Variants in ACAA1 observed in about 807,000 individuals in gnomAD.
ACAA1 encodes the protein 3-ketoacyl-CoA thiolase, peroxisomal.
Under a neutral mutation model 48.8 loss-of-function variants are expected in ACAA1, and 44 were observed. The observed-to-expected ratio is 0.90, with a 90% confidence interval of 0.71 to 1.16. The LOEUF (loss-of-function observed/expected upper bound fraction) is 1.16. Ranked by LOEUF, ACAA1 falls within the 50% of genes most tolerant of loss-of-function variation. ACAA1 has a pLI of 0.00. For missense variants in ACAA1, 512 were observed against 562.3 expected (o/e 0.91, Z 0.90); for synonymous variants, 233 against 226.5 (o/e 1.03, Z -0.26).
At chr3:38,130,478 C>G (rs1419283056) in intron 5 of ACAA1, among the ~76,000 whole-genome samples, 1 of 152,180 alleles carries the variant, frequency 6.6e-6, no homozygotes, top group African/African-American at 2.4e-5. Flanking sequence ...AGTCTGGTCC[C>G]AGAGCCCACT....
In ACAA1 at chr3:38,137,046, A is replaced by AGCC. The variant is rs1700923493; in HGVS notation, c.-12_-11insGGC. ...CTGCAGCCTCTGCATTGCGCAGGTC[A>AGCC]ACCCTGCAGACCAGCCACCAGTCCG... On this transcript the variant is annotated 5_prime_UTR_variant, in exon 1 of 12. Transcript: ENST00000333167. The AGCC allele has an allele frequency of 1.3e-6, 2 of 1,551,278 alleles. No individual in the cohort carries two copies. Among genetic ancestry groups the AGCC allele is most frequent in the African/African-American group, 2.8e-5 (2 of 71,634 alleles).
chr3:38,125,603 G>A lies in ACAA1; in HGVS notation c.1161C>T (p.Val387=). The change falls in exon 11 of 12, where the codon GTC becomes GTT. Residue 387 remains valine (V), a synonymous_variant. Transcript: ENST00000333167. The part of the protein sequence containing the change: ...HPLGCTGARQ[V]ITLLNELKRR... The stretch of plus-strand genomic sequence containing the variant: ...GCTTCAGCTCATTGAGCAGCGTGAT[G>A]ACCTGTCGTGCCCCAGTGCAGCCCA... The A allele has an allele frequency of 6.3e-7, 1 of 1,591,134 alleles. No individual in the cohort carries two copies. The highest frequency in any genetic ancestry group is 2.2e-5 in the East Asian group (1 of 44,642).
rs761738586 is a variant in ACAA1, at chr3:38,126,670, G to T, written c.657C>A (p.Phe219Leu). 6.2e-7 allele frequency: 1 copy of T among 1,614,066 alleles called. No homozygotes were observed. The highest frequency in any genetic ancestry group is 8.5e-7 in the Non-Finnish European group (1 of 1,180,010). ...KAARAQSKGC[F>L]QAEIVPVTTT... is the part of the protein sequence containing the mutation. Reference sequence around the variant, plus strand: ...TGGTCACAGGCACAATCTCAGCTTGGAAACAGCCCTTGCTCTGGGCTCTTG... The same window carrying T: ...TGGTCACAGGCACAATCTCAGCTTGTAAACAGCCCTTGCTCTGGGCTCTTG... Residue 219 changes from phenylalanine to leucine, a missense_variant, in exon 8 of 12, where the codon TTC (phenylalanine) becomes TTA (leucine). Phe to Leu is a conservative substitution (Grantham distance 22). Transcript: ENST00000333167. The surrounding 1 kb of genome is among the most constrained non-coding windows in gnomAD (Gnocchi z 4.7).
intron 3 of ACAA1, 47 bp downstream of exon 3, chr3:38,133,905 T>G: frequency 6.2e-7 from 1 of 1,600,956 alleles, no homozygotes; most frequent in Non-Finnish European, 8.6e-7. Flanking sequence ...CTGGGCCCAG[T>G]AAAGTGTCAA....
chr3:38,136,720 T>TC, intron 1 of ACAA1, 35 bp from the exon 2 acceptor site: 1 of 1,567,586 alleles, frequency 6.4e-7, no homozygotes, highest in Non-Finnish European at 8.7e-7. Flanking sequence ...TGACCCCCAC[T>TC]CCCCCATGCC....
chr3:38,126,990 C>G lies in ACAA1; in HGVS notation c.627-290G>C, dbSNP rs1407278341. On this transcript the variant is annotated intron_variant, in intron 7 of 11. Coordinates refer to ENST00000333167, the MANE Select transcript of ACAA1 (RefSeq NM_001607.4). The surrounding 1 kb of genome is among the most constrained non-coding windows in gnomAD (Gnocchi z 4.7). Reference sequence around the variant, plus strand: ...CAAGAGGGATTAAGCCTGCTTGATTCTCTCTGCTAAACTGAGGATGGAACC... The same window carrying G: ...CAAGAGGGATTAAGCCTGCTTGATTGTCTCTGCTAAACTGAGGATGGAACC... 6.6e-6 allele frequency among the ~76,000 whole-genome samples: 1 copy of G among 152,208 alleles called. No individual in the cohort carries two copies. Among genetic ancestry groups the G allele is most frequent in the Non-Finnish European group, 1.5e-5 (1 of 68,042 alleles).
At chr3:38,131,693 G>A in intron 4 of ACAA1, 55 bp from the exon 5 acceptor site, 4 of 1,583,236 alleles carry the variant, frequency 2.5e-6, no homozygotes, top group Non-Finnish European at 3.5e-6. Flanking sequence ...TGTTCTGGAA[G>A]CAGTGGAGCC....
chr3:38,126,812 C>T lies in ACAA1; in HGVS notation c.627-112G>A, dbSNP rs2125765457. On this transcript the variant is annotated intron_variant, in intron 7 of 11. Coordinates refer to ENST00000333167, the MANE Select transcript of ACAA1 (RefSeq NM_001607.4). The surrounding 1 kb of genome is among the most constrained non-coding windows in gnomAD (Gnocchi z 4.7). ...AAGCTCAGGCTGCTAAATTCAGGGA[C>T]ATGCTCGACTTTGGGGGAGCTCTGA... The T allele has an allele frequency of 7.5e-7, 1 of 1,325,508 alleles. No homozygotes were observed. The highest frequency in any genetic ancestry group is 1.0e-6 in the Non-Finnish European group (1 of 956,922). 82.1% of individuals were successfully genotyped at this position (1,325,508 alleles called of 1,614,324 possible).
intron 7 of ACAA1, 45 bp downstream of exon 7, chr3:38,127,741 C>A (rs1237094151): frequency 6.3e-7 from 1 of 1,595,746 alleles, no homozygotes; most frequent in Non-Finnish European, 8.6e-7. Context: ...GACTCAAAAC[C>A]TCACTCTCCA....
rs929301187 is a variant in ACAA1, at chr3:38,125,820, G to T, written c.1053+6C>A. On this transcript the variant is annotated splice_donor_region_variant and intron_variant, in intron 10 of 11. Coordinates refer to ENST00000333167, the MANE Select transcript of ACAA1 (RefSeq NM_001607.4). Reference sequence around the variant, plus strand: ...GCAAAGGCAACATTGAGAAACAAGGGCTCACCTGGCTTGCAAAGGCCTCAT... The same window carrying T: ...GCAAAGGCAACATTGAGAAACAAGGTCTCACCTGGCTTGCAAAGGCCTCAT... 2.5e-6 allele frequency: 4 copies of T among 1,614,164 alleles called. No homozygotes were observed. Among genetic ancestry groups the T allele is most frequent in the Non-Finnish European group, 3.4e-6 (4 of 1,180,016 alleles).
chr3:38,126,031 A>G lies in ACAA1; in HGVS notation c.997+131T>C. The G allele has an allele frequency of 1.4e-6, 2 of 1,441,742 alleles. No individual in the cohort carries two copies. The highest frequency in any genetic ancestry group is 1.9e-6 in the Non-Finnish European group (2 of 1,045,568). 89.3% of individuals were successfully genotyped at this position (1,441,742 alleles called of 1,614,324 possible). ...TGTGGGGTCAGGAAGGGCTTGAAGT[A>G]TGGGACACTAGCCTGCCCCACCTCC... On this transcript the variant is annotated intron_variant, in intron 9 of 11. Coordinates refer to ENST00000333167, the MANE Select transcript of ACAA1 (RefSeq NM_001607.4). This position sits in a 1 kb window ranked among gnomAD's most constrained non-coding sequence, Gnocchi z 4.7.
intron 5 of ACAA1, 106 bp downstream of exon 5, chr3:38,131,490 A>G (rs939587425): frequency 8.0e-7 from 1 of 1,252,574 alleles, no homozygotes; most frequent in African/African-American, 1.5e-5. Flanking sequence ...CAGCTGCCTA[A>G]AGGGGATGGG....
At chr3:38,125,759 AC>A in intron 10 of ACAA1, 49 bp from the exon 11 acceptor site, 1 of 1,613,976 alleles carries the variant, frequency 6.2e-7, no homozygotes. Context: ...CCTCCCCTGC[AC>A]CACCTGCCCG....
At position 38,123,020 on chromosome 3, in the gene ACAA1, C is replaced by T. The variant is rs759612257; in HGVS notation, c.*27G>A. The stretch of plus-strand genomic sequence containing the variant: ...GCTGCTAGAGCAGCAGGACTGTCTG[C>T]GTAGCGCCTCCAGCCTGGGACCTCA... On this transcript the variant is annotated 3_prime_UTR_variant, in exon 12 of 12. Transcript: ENST00000333167. The T allele has an allele frequency of 5.0e-6, 8 of 1,612,026 alleles. No homozygotes were observed. Among genetic ancestry groups the T allele is most frequent in the South Asian group, 4.4e-5 (4 of 91,052 alleles).
rs539752479 is a variant in ACAA1, at chr3:38,129,500, A to G, written c.447-112T>C. The G allele has an allele frequency of 9.8e-5, 81 of 824,836 alleles. No homozygotes were observed. The African/African-American group carries it at 1.4e-3, about 14-fold the overall frequency. 51.1% of individuals were successfully genotyped at this position (824,836 alleles called of 1,614,324 possible). ...TAGGAAATAGCCAGGGAGCCCTAGG[A>G]AGACCAGTGGGCCTCTGGGAGTCAC... is the stretch of plus-strand genomic sequence containing the variant. On this transcript the variant is annotated intron_variant, in intron 5 of 11. Coordinates refer to ENST00000333167, the MANE Select transcript of ACAA1 (RefSeq NM_001607.4). This position sits in a 1 kb window ranked among gnomAD's most constrained non-coding sequence, Gnocchi z 5.3.
intron 3 of ACAA1, 46 bp downstream of exon 3, chr3:38,133,905 TA>T: frequency 6.2e-7 from 1 of 1,600,956 alleles, no homozygotes; most frequent in Non-Finnish European, 8.6e-7. Flanking sequence ...CTGGGCCCAG[TA>T]AAGTGTCAAA....
At chr3:38,130,423 T>C (rs1430512735) in intron 5 of ACAA1, among the ~76,000 whole-genome samples, 2 of 152,248 alleles carry the variant, frequency 1.3e-5, no homozygotes, top group African/African-American at 4.8e-5. Flanking sequence ...CTAGAGAGAC[T>C]GTATAACTTA....
chr3:38,132,144 C>T (rs1700803258), intron 3 of ACAA1, 139 bp from the exon 4 acceptor site: 1 of 665,696 alleles, frequency 1.5e-6, no homozygotes, highest in Non-Finnish European at 2.6e-6. Context: ...TGCTCCCATG[C>T]CAGGCCAGAT....
At chr3:38,134,480 T>C in intron 2 of ACAA1, 1 of 458,044 alleles carries the variant, frequency 2.2e-6, no homozygotes, top group Non-Finnish European at 4.4e-6. Flanking sequence ...GACTGAAGAT[T>C]GTGGGGAAAA....
Sources: gnomAD v4.1 joint callset for allele counts (sites outside exome capture counted in the v4.1 genomes callset) on GRCh38, gnomAD v4.1.1 for gene constraint, Gnocchi (gnomAD v3.1) non-coding constraint, MANE v1.5 for transcripts, NCBI Gene and HGNC (gene_info 2026-07-23, HGNC 2026-07-21) for gene names.